Variants in PHACTR1 observed in about 807,000 individuals in gnomAD.
The protein encoded by PHACTR1 is RPEL repeat containing 1.
In PHACTR1, 16 loss-of-function variants were observed where a neutral mutation model predicts 69.2. The observed-to-expected ratio is 0.23, with a 90% confidence interval of 0.16 to 0.35. The LOEUF is 0.35. Among genes scored for constraint, PHACTR1 ranks in the 10% least tolerant of loss-of-function variants. The pLI is 1.00. For missense variants in PHACTR1, 510 were observed against 734.7 expected (o/e 0.69, Z 3.54); for synonymous variants, 312 against 284.5 (o/e 1.10, Z -0.97).
chr6:12,790,339 G>A (rs1019054326), intron 4 of PHACTR1, among the ~76,000 whole-genome samples: 7 of 152,078 alleles, frequency 4.6e-5, no homozygotes, highest in African/African-American at 1.7e-4. Flanking sequence ...TCTCCAGCAC[G>A]TCAGGGACAC....
intron 5 of PHACTR1, among the ~76,000 whole-genome samples, chr6:13,090,838 A>G (rs1394245349): frequency 6.6e-6 from 1 of 152,176 alleles, no homozygotes; most frequent in Non-Finnish European, 1.5e-5. Flanking sequence ...GGAAGACAAC[A>G]TTTCTGCAGA....
At chr6:12,973,916 A>ATTTTTTTTTTTT (rs33948457) in intron 4 of PHACTR1, among the ~76,000 whole-genome samples, 2 of 92,866 alleles carry the variant, frequency 2.2e-5, no homozygotes, top group African/African-American at 8.8e-5. Context: ...AGAGGCTGGG[A>ATTTTTTTTTTTT]TTTTTTTTTT....
At chr6:13,217,058 T>A (rs1767778699) in intron 8 of PHACTR1, among the ~76,000 whole-genome samples, 1 of 152,146 alleles carries the variant, frequency 6.6e-6, no homozygotes, top group Admixed American at 6.5e-5. Context: ...GTCCAGAAAG[T>A]TTTGCAGATC....
At position 13,141,439 on chromosome 6, in the gene PHACTR1, C is replaced by T. The variant is rs567259049; in HGVS notation, c.416-18765C>T. 2.6e-5 allele frequency among the ~76,000 whole-genome samples: 4 copies of T among 152,316 alleles called. No homozygotes were observed. In the East Asian group the frequency reaches 7.7e-4, roughly 29 times the overall value. On this transcript the variant is annotated intron_variant, in intron 5 of 14. Transcript: ENST00000332995. ...ATTTGTGAATTAAGGATTGCCTGTT[C>T]GTCAGCTTCCACTATGCGTGTGACA...
chr6:12,874,576 C>T (rs1782360812), intron 4 of PHACTR1, among the ~76,000 whole-genome samples: 1 of 152,132 alleles, frequency 6.6e-6, no homozygotes, highest in South Asian at 2.1e-4. Context: ...AATTGGTAGG[C>T]TACATAAGGC....
chr6:13,115,488 ACC>A (rs1817683711), intron 5 of PHACTR1, among the ~76,000 whole-genome samples: 1 of 151,642 alleles, frequency 6.6e-6, no homozygotes, highest in South Asian at 2.1e-4. Context: ...TCTCCCTTCT[ACC>A]CATGTCTTAC....
At chr6:12,847,703 G>A (rs932284493) in intron 4 of PHACTR1, among the ~76,000 whole-genome samples, 19 of 152,140 alleles carry the variant, frequency 1.2e-4, no homozygotes, top group African/African-American at 4.3e-4. Context: ...CAGTGGCACA[G>A]TATCCTAATT....
intron 4 of PHACTR1, among the ~76,000 whole-genome samples, chr6:12,956,245 A>T (rs1791883631): frequency 6.6e-6 from 1 of 152,222 alleles, no homozygotes; most frequent in Non-Finnish European, 1.5e-5. Context: ...AGCTATGCAG[A>T]TAGTTCATCT....
chr6:13,163,672 A>G (rs1250232194), intron 6 of PHACTR1, among the ~76,000 whole-genome samples: 1 of 152,146 alleles, frequency 6.6e-6, no homozygotes, highest in Non-Finnish European at 1.5e-5. Context: ...ATATTATAGT[A>G]TATCTACAGT....
At chr6:13,061,466 G>A (rs1047143681) in intron 5 of PHACTR1, among the ~76,000 whole-genome samples, 17 of 152,240 alleles carry the variant, frequency 1.1e-4, no homozygotes, top group Admixed American at 9.2e-4. Flanking sequence ...TGGTCAGTGG[G>A]AACAATTGCA....
At chr6:12,786,813 A>T (rs1056423632) in intron 4 of PHACTR1, among the ~76,000 whole-genome samples, 4 of 152,252 alleles carry the variant, frequency 2.6e-5, no homozygotes, top group African/African-American at 9.6e-5. Flanking sequence ...TTGAAACCAT[A>T]GTCATGTATA....
chr6:13,208,358 A>C (rs959484569), intron 8 of PHACTR1, among the ~76,000 whole-genome samples: 3 of 152,188 alleles, frequency 2.0e-5, no homozygotes, highest in Admixed American at 6.5e-5. Flanking sequence ...GAATAATTTC[A>C]TGTCTGTTGA....
chr6:12,904,014 CTTA>C (rs1342401144), intron 4 of PHACTR1, among the ~76,000 whole-genome samples: 1 of 152,042 alleles, frequency 6.6e-6, no homozygotes, highest in African/African-American at 2.4e-5. Context: ...GGAGAGTTTG[CTTA>C]TTATTATTTT....
chr6:12,884,214 A>T (rs1488932061), intron 4 of PHACTR1, among the ~76,000 whole-genome samples: 1 of 152,196 alleles, frequency 6.6e-6, no homozygotes, highest in Admixed American at 6.5e-5. Context: ...CAGGGACCTG[A>T]CCCATACATT....
rs1268446482 is a variant in PHACTR1, at chr6:13,093,232, A to T, written c.415+39703A>T. On this transcript the variant is annotated intron_variant, in intron 5 of 14. Coordinates refer to ENST00000332995, the MANE Select transcript of PHACTR1 (RefSeq NM_030948.6). ...GATACAAGTAAGTCAAATTTTATTGAATTTAGTTTTTAATGCATTAATATG... is the reference window on the plus strand; with the variant it reads ...GATACAAGTAAGTCAAATTTTATTGTATTTAGTTTTTAATGCATTAATATG... Among the ~76,000 whole-genome samples, 3 of 152,184 alleles carry T rather than the reference A, an allele frequency of 2.0e-5. No individual in the cohort carries two copies. The East Asian group carries it at 5.8e-4, about 29-fold the overall frequency.
chr6:12,827,768 T>C (rs549936481), intron 4 of PHACTR1, among the ~76,000 whole-genome samples: 1 of 152,334 alleles, frequency 6.6e-6, no homozygotes, highest in South Asian at 2.1e-4. Flanking sequence ...TTGGCAAGCA[T>C]ACTAATGATA....
rs1359239799 is a variant in PHACTR1 at position 13,243,878 on chromosome 6, C to CTAAG, written c.1391+13686_1391+13689dup. On this transcript the variant is annotated intron_variant, in intron 10 of 14. Transcript: ENST00000332995. Reference sequence around the variant, plus strand: ...GGTTTTCTGTTCCTGTGTTAGTTTGCTAAGGATGATGGCCTCCAGCTCCAT... The same window carrying CTAAG: ...GGTTTTCTGTTCCTGTGTTAGTTTGCTAAGTAAGGATGATGGCCTCCAGCTCCAT... Among the ~76,000 whole-genome samples, 3 of 152,120 alleles carry CTAAG rather than the reference C, an allele frequency of 2.0e-5. 1 individual carries two copies. The highest frequency in any genetic ancestry group is 7.2e-5 in the African/African-American group (3 of 41,430).
At chr6:13,038,024 T>G (rs1446079643) in intron 4 of PHACTR1, among the ~76,000 whole-genome samples, 1 of 152,184 alleles carries the variant, frequency 6.6e-6, no homozygotes, top group African/African-American at 2.4e-5. Flanking sequence ...TAAGAATAAC[T>G]CACTTTAGAT....
At chr6:12,872,476 A>G (rs1263271770) in intron 4 of PHACTR1, among the ~76,000 whole-genome samples, 1 of 152,110 alleles carries the variant, frequency 6.6e-6, no homozygotes, top group Non-Finnish European at 1.5e-5. Flanking sequence ...GCAAATATAC[A>G]CCTGCCTTTT....
Sources: gnomAD v4.1 joint callset for allele counts (sites outside exome capture counted in the v4.1 genomes callset) on GRCh38, gnomAD v4.1.1 for gene constraint, MANE v1.5 for transcripts, NCBI Gene and HGNC (gene_info 2026-07-23, HGNC 2026-07-21) for gene names.